PLCB1: variants seen among roughly 807,000 people sequenced by gnomAD.
PLCB1 encodes the protein phospholipase C beta 1.
Under a neutral mutation model 161.8 loss-of-function variants are expected in PLCB1, and 46 were observed. The ratio of observed to expected loss-of-function variants is 0.28; its 90% confidence interval spans 0.22 to 0.36. PLCB1 has a LOEUF of 0.36. Ranked by LOEUF, PLCB1 falls within the 10% of genes least tolerant of loss-of-function variation. The pLI is 1.00. For missense variants in PLCB1, 1,016 were observed against 1,472.5 expected (o/e 0.69, Z 5.07); for synonymous variants, 517 against 503.7 (o/e 1.03, Z -0.35).
At chr20:8,157,891 C>T (rs1019078791) in intron 2 of PLCB1, among the ~76,000 whole-genome samples, 2 of 152,136 alleles carry the variant, frequency 1.3e-5, no homozygotes, top group African/African-American at 2.4e-5. Context: ...ATAACAACAG[C>T]AATGCTTGTT....
intron 2 of PLCB1, among the ~76,000 whole-genome samples, chr20:8,204,185 C>T (rs1323073897): frequency 8.6e-5 from 13 of 151,904 alleles, no homozygotes; most frequent in African/African-American, 2.7e-4. Flanking sequence ...ATACGTAGTC[C>T]GGTGTCATGA....
intron 11 of PLCB1, among the ~76,000 whole-genome samples, chr20:8,700,948 G>A (rs1446860430): frequency 1.3e-5 from 2 of 152,226 alleles, no homozygotes; most frequent in African/African-American, 4.8e-5. Context: ...TAGCAAGGAT[G>A]CTTTGCATCA....
chr20:8,573,249 T>C (rs1444903490), intron 3 of PLCB1, among the ~76,000 whole-genome samples: 1 of 152,164 alleles, frequency 6.6e-6, no homozygotes, highest in African/African-American at 2.4e-5. Flanking sequence ...ATTGGTGACC[T>C]TGGTGAATAC....
At chr20:8,490,167 CTG>C (rs1468916088) in intron 3 of PLCB1, among the ~76,000 whole-genome samples, 1 of 152,172 alleles carries the variant, frequency 6.6e-6, no homozygotes, top group Non-Finnish European at 1.5e-5. Flanking sequence ...TATCCCAACA[CTG>C]TGAGGCTTGA....
intron 1 of PLCB1, among the ~76,000 whole-genome samples, chr20:8,143,167 T>C (rs942172846): frequency 2.6e-5 from 4 of 152,064 alleles, no homozygotes; most frequent in African/African-American, 9.7e-5. Flanking sequence ...TTAGTTACCG[T>C]CTTCTTCTTC....
chr20:8,508,684 A>G (rs886788205), intron 3 of PLCB1, among the ~76,000 whole-genome samples: 3 of 152,214 alleles, frequency 2.0e-5, no homozygotes, highest in African/African-American at 7.2e-5. Context: ...TTGGGAGTTC[A>G]CTATAAGTAG....
intron 6 of PLCB1, among the ~76,000 whole-genome samples, chr20:8,649,093 G>A (rs1989243235): frequency 6.6e-6 from 1 of 152,272 alleles, no homozygotes; most frequent in Admixed American, 6.5e-5. Flanking sequence ...GTTTATTTTA[G>A]TGCTTAATAT....
chr20:8,354,245 GTA>G (rs1986287827), intron 2 of PLCB1, among the ~76,000 whole-genome samples: 1 of 152,058 alleles, frequency 6.6e-6, no homozygotes, highest in South Asian at 2.1e-4. Flanking sequence ...TTTGTATCGT[GTA>G]TTTTATCAAA....
chr20:8,208,221 A>G (rs903809061), intron 2 of PLCB1, among the ~76,000 whole-genome samples: 7 of 152,154 alleles, frequency 4.6e-5, no homozygotes, highest in African/African-American at 1.7e-4. Context: ...GAATTGTTCC[A>G]TAGACTTTAA....
intron 19 of PLCB1, among the ~76,000 whole-genome samples, chr20:8,733,655 GGGA>G (rs1980395611): frequency 6.6e-6 from 1 of 151,000 alleles, no homozygotes; most frequent in East Asian, 2.0e-4. Flanking sequence ...GGGGGGAGCG[GGGA>G]GGGATAGCAT....
intron 3 of PLCB1, among the ~76,000 whole-genome samples, chr20:8,490,616 T>TA (rs1982904656): frequency 6.6e-6 from 1 of 152,182 alleles, no homozygotes; most frequent in Non-Finnish European, 1.5e-5. Flanking sequence ...GTTGCTCCAC[T>TA]TTCTTACTAA....
chr20:8,365,170 C>CTCA (rs1473766271), intron 2 of PLCB1, among the ~76,000 whole-genome samples: 2 of 152,138 alleles, frequency 1.3e-5, no homozygotes, highest in Non-Finnish European at 2.9e-5. Context: ...GCATCTGCAC[C>CTCA]TGTGTTTGAC....
intron 7 of PLCB1, among the ~76,000 whole-genome samples, chr20:8,654,712 T>A (rs1245940518): frequency 3.3e-5 from 5 of 152,038 alleles, no homozygotes; most frequent in African/African-American, 1.2e-4. Flanking sequence ...CTTTAGAGTA[T>A]TAGACCTTGG....
intron 3 of PLCB1, among the ~76,000 whole-genome samples, chr20:8,562,108 G>C (rs545778627): frequency 1.3e-5 from 2 of 152,126 alleles, no homozygotes; most frequent in East Asian, 3.9e-4. Flanking sequence ...TCAGAGCTGA[G>C]TACGGAGGGG....
intron 20 of PLCB1, among the ~76,000 whole-genome samples, chr20:8,737,754 G>T (rs1361436294): frequency 6.6e-6 from 1 of 152,162 alleles, no homozygotes; most frequent in Non-Finnish European, 1.5e-5. Flanking sequence ...GTGGGAAGTA[G>T]ACTTTTTAGC....
chr20:8,295,519 A>G (rs1408064808), intron 2 of PLCB1, among the ~76,000 whole-genome samples: 2 of 152,122 alleles, frequency 1.3e-5, no homozygotes, highest in African/African-American at 2.4e-5. Context: ...AAACAAAAGA[A>G]TTTCTAGGCT....
intron 3 of PLCB1, among the ~76,000 whole-genome samples, chr20:8,382,032 T>C (rs906528323): frequency 5.9e-5 from 9 of 152,260 alleles, no homozygotes; most frequent in Middle Eastern, 3.4e-3. Context: ...ATAACTCTTT[T>C]AATTGTGATG....
intron 2 of PLCB1, among the ~76,000 whole-genome samples, chr20:8,205,894 CTT>C (rs1041447309): frequency 2.0e-5 from 3 of 151,866 alleles, no homozygotes; most frequent in Non-Finnish European, 4.4e-5. Context: ...ATTAAGTTTA[CTT>C]TTGTGTATAT....
At chr20:8,839,927 A>T (rs1986433646) in intron 31 of PLCB1, among the ~76,000 whole-genome samples, 1 of 151,716 alleles carries the variant, frequency 6.6e-6, no homozygotes, top group Admixed American at 6.6e-5. Flanking sequence ...GCTATTTGGG[A>T]GGCTGAGGCA....
Sources: allele counts gnomAD v4.1 joint callset (sites outside exome capture counted in the v4.1 genomes callset), GRCh38; gene constraint gnomAD v4.1.1; transcripts MANE v1.5; gene names NCBI Gene and HGNC (gene_info 2026-07-23, HGNC 2026-07-21).